SYNE2: variants seen among roughly 807,000 people sequenced by gnomAD.
SYNE2 encodes the protein nesprin-2.
SYNE2 carries 431 observed loss-of-function variants against 856.3 expected under a neutral mutation model. The observed-to-expected ratio is 0.50, with a 90% CI of 0.47 to 0.55. The LOEUF is 0.55. Ranked by LOEUF, SYNE2 falls within the 20% of genes least tolerant of loss-of-function variation. SYNE2 has a pLI of 0.00. For missense variants in SYNE2, 8,129 were observed against 8,023.2 expected, an observed-to-expected ratio of 1.01 and a Z score of -0.50; for synonymous variants, 2,923 against 2,872.3, an observed-to-expected ratio of 1.02 and a Z score of -0.56.
intron 115 of SYNE2, 90 bp downstream of exon 115, chr14:64,225,135 C>G (rs12434245): frequency 9.6e-6 from 15 of 1,565,586 alleles, no homozygotes; most frequent in Non-Finnish European, 1.3e-5. Flanking sequence ...AAGGTCCTTG[C>G]AAAAATCTGG....
At chr14:64,038,112 A>T (rs2097112604) in intron 45 of SYNE2, among the ~76,000 whole-genome samples, 1 of 150,666 alleles carries the variant, frequency 6.6e-6, no homozygotes, top group Non-Finnish European at 1.5e-5. Context: ...GATGCTCCTC[A>T]TCTCCCAGAC....
intron 1 of SYNE2, among the ~76,000 whole-genome samples, chr14:63,769,730 A>AG (rs1886832337): frequency 6.6e-6 from 1 of 151,064 alleles, no homozygotes; most frequent in African/African-American, 2.4e-5. Flanking sequence ...AAAAAAAAAA[A>AG]AAAGAAAGAA....
intron 74 of SYNE2, 64 bp from the exon 75 acceptor site, chr14:64,129,718 A>G (rs1009152469): frequency 5.0e-6 from 8 of 1,607,756 alleles, no homozygotes; most frequent in South Asian, 4.4e-5. Flanking sequence ...TTCTTTTTAG[A>G]TAACTATGTG....
Position 63,767,026 on chromosome 14 carries a change from A to G in SYNE2, c.-305+5040A>G, listed in dbSNP as rs1595091215. 2.0e-5 allele frequency among the ~76,000 whole-genome samples: 3 copies of G among 152,202 alleles called. No individual in the cohort carries two copies. The East Asian group carries it at 5.8e-4, about 29-fold the overall frequency. On this transcript the variant is annotated intron_variant, in intron 1 of 23. Transcript: ENST00000674003. ...CATATCAAGCAGAGTCAATAAAATA[A>G]AAAATAAAAATAAGAAAATAAATTA... is the stretch of plus-strand genomic sequence containing the variant.
chr14:64,176,618 G>A (rs1170891384), intron 95 of SYNE2, among the ~76,000 whole-genome samples: 3 of 152,142 alleles, frequency 2.0e-5, no homozygotes, highest in Non-Finnish European at 4.4e-5. Context: ...AGGTGGCTGA[G>A]TGCTTGTGTT....
At chr14:63,921,974 C>T (rs1393793355) in intron 2 of SYNE2, among the ~76,000 whole-genome samples, 2 of 152,134 alleles carry the variant, frequency 1.3e-5, no homozygotes, top group Non-Finnish European at 2.9e-5. Context: ...GCATATTATC[C>T]AAGACATAGT....
In SYNE2 at chr14:64,024,972, A is replaced by G. The variant is rs1272661209; in HGVS notation, c.5901A>G (p.Lys1967=). The G allele has an allele frequency of 1.5e-5, 25 of 1,614,058 alleles. No homozygotes were observed. Among genetic ancestry groups the G allele is most frequent in the Non-Finnish European group, 2.1e-5 (25 of 1,179,936 alleles). Residue 1967 remains lysine, a synonymous_variant, in exon 40 of 116, where the codon AAA becomes AAG. Transcript: ENST00000555002. The part of the protein sequence containing the change: ...KWLTNQEEKW[K]GMEEPGEKTE... The stretch of plus-strand genomic sequence containing the variant: ...TGACTAATCAAGAAGAGAAATGGAA[A>G]GGAATGGAAGAACCAGGGGAGAAAA...
intron 113 of SYNE2, 42 bp downstream of exon 113, chr14:64,223,422 T>G: frequency 6.2e-7 from 1 of 1,606,798 alleles, no homozygotes; most frequent in Non-Finnish European, 8.5e-7. Flanking sequence ...ATTGCCGTAT[T>G]ACATGCAGAC....
chr14:63,967,063 A>C (rs2096403467), intron 10 of SYNE2, among the ~76,000 whole-genome samples: 1 of 151,850 alleles, frequency 6.6e-6, no homozygotes, highest in Admixed American at 6.6e-5. Context: ...ACGGGGTTTC[A>C]TCATGTTGGC....
At position 63,914,796 on chromosome 14, in the gene SYNE2, A is replaced by T. The variant is rs142198288; in HGVS notation, c.79+5569A>T. Among the ~76,000 whole-genome samples the T allele has an allele frequency of 3.3e-3, 498 of 152,252 alleles. 3 individuals carry two copies. Among genetic ancestry groups the T allele is most frequent in the African/African-American group, 0.011 (447 of 41,536 alleles). On this transcript the variant is annotated intron_variant, in intron 2 of 115. Transcript: ENST00000555002. ...GTGTGTTTTGTTTTGTTTTGTTTTG[A>T]AACAGAAGTCTTGCTCAGTTGCCCA...
intron 94 of SYNE2, among the ~76,000 whole-genome samples, chr14:64,172,464 G>A (rs1037079678): frequency 1.3e-5 from 2 of 152,186 alleles, no homozygotes; most frequent in Non-Finnish European, 2.9e-5. Context: ...GTGTTACCAC[G>A]TGAGGGCTTC....
intron 1 of SYNE2, among the ~76,000 whole-genome samples, chr14:63,866,216 G>A (rs1310305764): frequency 6.6e-6 from 1 of 152,122 alleles, no homozygotes; most frequent in Non-Finnish European, 1.5e-5. Context: ...ACATTTTCCT[G>A]AGTAGAAACA....
At position 64,070,864 on chromosome 14, in the gene SYNE2, G is replaced by A. The variant is rs2097400371; in HGVS notation, c.10651G>A (p.Val3551Ile). 2.5e-6 allele frequency: 4 copies of A among 1,614,148 alleles called. No homozygotes were observed. Among genetic ancestry groups the A allele is most frequent in the African/African-American group, 1.3e-5 (1 of 75,048 alleles). ...TGAAAGCTCAGGGGCTGTGGAAACT[G>A]TTCCAGCATTTCAAGAAATTACTTC... ...VPESSGAVETVPAFQEITSMK... is the reference protein window; with the variant it reads ...VPESSGAVETIPAFQEITSMK... Residue 3551 changes from valine to isoleucine, a missense_variant, in exon 52 of 116, where the codon GTT becomes ATT. Coordinates refer to ENST00000555002, the MANE Select transcript of SYNE2 (RefSeq NM_182914.3).
intron 1 of SYNE2, among the ~76,000 whole-genome samples, chr14:63,812,854 A>G (rs1300093527): frequency 6.6e-6 from 1 of 152,196 alleles, no homozygotes; most frequent in Non-Finnish European, 1.5e-5. Context: ...CCTATGTAAC[A>G]AACCTGCACA....
At chr14:63,804,921 T>G (rs1888302186) in intron 1 of SYNE2, among the ~76,000 whole-genome samples, 1 of 152,246 alleles carries the variant, frequency 6.6e-6, no homozygotes, top group Non-Finnish European at 1.5e-5. Flanking sequence ...TTTTTGTGTA[T>G]GATAAAAGGA....
In SYNE2 at chr14:64,184,364, A is replaced by G. The variant is rs867040723; in HGVS notation, c.17557-2060A>G. ...TGTGTGTGTGTGTGTGTGTGTGTGT[A>G]TGTGTATGAACATGGTGAGTGTTAG... On this transcript the variant is annotated intron_variant, in intron 96 of 115. Transcript: ENST00000555002. 7.4e-3 allele frequency among the ~76,000 whole-genome samples: 592 copies of G among 80,150 alleles called. 4 individuals are homozygous for G. Among genetic ancestry groups the G allele is most frequent in the African/African-American group, 0.025 (494 of 19,888 alleles). 52.6% of individuals were successfully genotyped at this position (80,150 alleles called of 152,430 possible).
rs1373528073 is a variant in SYNE2, at chr14:64,087,832, T to G, written c.11646T>G (p.Leu3882=). The change falls in exon 58 of 116, where the codon CTT becomes CTG. Residue 3882 remains leucine, a synonymous_variant. Coordinates refer to ENST00000555002, the MANE Select transcript of SYNE2 (RefSeq NM_182914.3). ...TACAACAAAAAATAATGGAAAGCCT[T>G]CCACAGATTCAGCGAATGGCTGATG... ...TALQQKIMES[L]PQIQRMADDV... is the part of the protein sequence containing the mutation. 2.5e-6 allele frequency: 4 copies of G among 1,614,126 alleles called. No homozygotes were observed. The South Asian group carries it at 4.4e-5, about 18-fold the overall frequency.
chr14:63,953,592 A>G (rs2096199813), intron 7 of SYNE2, among the ~76,000 whole-genome samples: 1 of 152,094 alleles, frequency 6.6e-6, no homozygotes, highest in Admixed American at 6.5e-5. Flanking sequence ...TTGTGATAAA[A>G]TATACATAAC....
chr14:63,945,417 C>T (rs1454883222), intron 6 of SYNE2, among the ~76,000 whole-genome samples: 1 of 152,086 alleles, frequency 6.6e-6, no homozygotes, highest in East Asian at 1.9e-4. Context: ...CTTATGTACA[C>T]TATGTACTCT....
Sources: gnomAD v4.1 joint callset for allele counts (sites outside exome capture counted in the v4.1 genomes callset) on GRCh38, gnomAD v4.1.1 for gene constraint, MANE v1.5 for transcripts, NCBI Gene and HGNC (gene_info 2026-07-23, HGNC 2026-07-21) for gene names.